The following ATAD2B variants were observed in gnomAD, a reference collection of about 807,000 sequenced individuals.
ATAD2B encodes ATPase family AAA domain containing 2B.
ATAD2B carries 40 observed loss-of-function variants against 167.6 expected under a neutral mutation model. The observed-to-expected ratio is 0.24, with a 90% CI of 0.19 to 0.31. The LOEUF is 0.31. Ranked by LOEUF, ATAD2B falls within the 10% of genes least tolerant of loss-of-function variation. The probability of loss-of-function intolerance (pLI) is 1.00; values close to 1 mark genes in which losing one functional copy is unlikely to be tolerated. For missense variants in ATAD2B, 1,242 were observed against 1,757.2 expected (o/e 0.71, Z 5.24); for synonymous variants, 579 against 596.5 (o/e 0.97, Z 0.43).
At chr2:23,838,267 T>C (rs1690322725) in intron 13 of ATAD2B, among the ~76,000 whole-genome samples, 1 of 152,202 alleles carries the variant, frequency 6.6e-6, no homozygotes, top group South Asian at 2.1e-4. Context: ...CAAATATAAA[T>C]TCATATTTAA....
chr2:23,861,028 G>A (rs1573092286), intron 12 of ATAD2B, among the ~76,000 whole-genome samples: 1 of 151,996 alleles, frequency 6.6e-6, no homozygotes, highest in Non-Finnish European at 1.5e-5. Flanking sequence ...GGGAAAAAAA[G>A]TTAAAAGAAC....
intron 25 of ATAD2B, among the ~76,000 whole-genome samples, chr2:23,755,497 C>T (rs1323550879): frequency 6.6e-6 from 1 of 152,082 alleles, no homozygotes; most frequent in Non-Finnish European, 1.5e-5. Flanking sequence ...GTGGGTAGAC[C>T]ATGGAGCCCT....
At chr2:23,868,210 T>C (rs1162914473) in intron 9 of ATAD2B, among the ~76,000 whole-genome samples, 1 of 152,176 alleles carries the variant, frequency 6.6e-6, no homozygotes, top group Admixed American at 6.5e-5. Flanking sequence ...TAGGAAAACA[T>C]CTTAACATAC....
At chr2:23,829,063 A>C (rs1688654421) in intron 14 of ATAD2B, 124 bp from the exon 15 acceptor site, 4 of 634,176 alleles carry the variant, frequency 6.3e-6, no homozygotes, top group South Asian at 6.0e-5. Flanking sequence ...TAAAATTTTT[A>C]TTTTAAAAAA....
intron 8 of ATAD2B, chr2:23,872,675 A>C (rs1360852429): frequency 7.5e-7 from 1 of 1,340,830 alleles, no homozygotes; most frequent in South Asian, 1.2e-5. Context: ...CCAGATCTTC[A>C]CCTGGGCCTC....
rs549829504 is a variant in ATAD2B, at chr2:23,753,448, AC to A, written c.4335+730del. On this transcript the variant is annotated intron_variant, in intron 27 of 27. Transcript: ENST00000238789. ...GATAAACAAACTAACAGGCAAATCA[AC>A]AAAGGGAGTTGAATTAAGTCATTTA... Among the ~76,000 whole-genome samples the A allele has an allele frequency of 2.0e-5, 3 of 152,148 alleles. No individual in the cohort carries two copies. In the South Asian group the frequency reaches 6.2e-4, roughly 31 times the overall value.
intron 6 of ATAD2B, 129 bp from the exon 7 acceptor site, chr2:23,880,884 C>T: frequency 1.6e-6 from 1 of 620,048 alleles, no homozygotes; most frequent in Admixed American, 3.2e-5. Context: ...TAAGTGCCAA[C>T]ATATTACGTA....
chr2:23,704,006 G>A, the ATAD2B span: 1 of 1,015,486 alleles, frequency 9.8e-7, no homozygotes, highest in Non-Finnish European at 1.4e-6. Flanking sequence ...CCACAGGAGT[G>A]GGCATTAGCC....
At chr2:23,758,771 A>T (rs1266817303) in intron 24 of ATAD2B, among the ~76,000 whole-genome samples, 13 of 152,228 alleles carry the variant, frequency 8.5e-5, no homozygotes, top group Non-Finnish European at 1.5e-5. Flanking sequence ...AATATGTAGG[A>T]AAACTAAGCC....
chr2:23,829,713 G>A lies in ATAD2B; in HGVS notation c.1729-774C>T, dbSNP rs1161355519. ...GAGGCCTGCAGTGTGCTGTGATTAC[G>A]CCACTGCATGCCAGCCTGGGTGATA... is the stretch of plus-strand genomic sequence containing the variant. On this transcript the variant is annotated intron_variant, in intron 14 of 27. Coordinates refer to ENST00000238789, the MANE Select transcript of ATAD2B (RefSeq NM_017552.4). Among the ~76,000 whole-genome samples, 4 of 152,078 alleles carry A rather than the reference G, an allele frequency of 2.6e-5. 1 individual carries two copies. The East Asian group carries it at 5.8e-4, about 22-fold the overall frequency.
chr2:23,680,458 G>A, the ATAD2B span, among the ~76,000 whole-genome samples: 3 of 152,318 alleles, frequency 2.0e-5, no homozygotes, highest in South Asian at 2.1e-4. The surrounding 1 kb of genome is among the most constrained non-coding windows in gnomAD (Gnocchi z 4.1). Context: ...TCCCACAGAC[G>A]TAGGCGGGCA....
At chr2:23,757,363 A>G in intron 25 of ATAD2B, 55 bp downstream of exon 25, 1 of 1,316,090 alleles carries the variant, frequency 7.6e-7, no homozygotes, top group South Asian at 1.7e-5. Context: ...AAAATACACA[A>G]CGAATTAACT....
chr2:23,691,864 G>A, the ATAD2B span: 23 of 1,550,126 alleles, frequency 1.5e-5, no homozygotes, highest in African/African-American at 8.2e-5. Flanking sequence ...CAAAGTCTGC[G>A]TGTCCTTTCT....
the ATAD2B span, chr2:23,690,119 C>T: frequency 3.9e-5 from 6 of 152,322 alleles, no homozygotes; most frequent in Admixed American, 6.5e-5. Context: ...CTCCCCCTCT[C>T]CTCCTGGCCA....
In ATAD2B at chr2:23,833,976, T is replaced by G. The variant is rs369661047; in HGVS notation, c.1671A>C (p.Ala557=). The change falls in exon 14 of 28, where the codon GCA becomes GCC. Residue 557 remains alanine, a synonymous_variant. Transcript: ENST00000238789. ...ATNRLDSIDP[A]LRRPGRFDRE... ...TGTCAAAACGACCAGGTCTCCTGAG[T>G]GCAGGATCTATAGAGTCAAGTCTGT... 2 of 1,613,216 alleles carry G rather than the reference T, an allele frequency of 1.2e-6. No individual in the cohort carries two copies. The highest frequency in any genetic ancestry group is 1.1e-5 in the South Asian group (1 of 90,856).
chr2:23,883,789 T>A (rs1191634285), intron 6 of ATAD2B, among the ~76,000 whole-genome samples: 1 of 152,218 alleles, frequency 6.6e-6, no homozygotes, highest in African/African-American at 2.4e-5. Context: ...AAGATTCCCC[T>A]ATAAGTACTA....
intron 10 of ATAD2B, chr2:23,866,123 T>C (rs1695086408): frequency 5.6e-6 from 1 of 178,342 alleles, no homozygotes; most frequent in Non-Finnish European, 1.1e-5. Context: ...AAGAAATAAG[T>C]GGCCTGGCAC....
chr2:23,773,891 T>C (rs1250259255), intron 22 of ATAD2B, among the ~76,000 whole-genome samples: 2 of 152,234 alleles, frequency 1.3e-5, no homozygotes, highest in African/African-American at 2.4e-5. Context: ...CTTACATTTG[T>C]CTTCAGCAAA....
At chr2:23,703,338 C>A in the ATAD2B span, 2 of 1,537,424 alleles carry the variant, frequency 1.3e-6, no homozygotes, top group Admixed American at 2.0e-5. Flanking sequence ...TCTTACGTTC[C>A]TCAGACCAAC....
Sources: allele counts gnomAD v4.1 joint callset (sites outside exome capture counted in the v4.1 genomes callset), GRCh38; gene constraint gnomAD v4.1.1; non-coding constraint Gnocchi (gnomAD v3.1); transcripts MANE v1.5; gene names NCBI Gene and HGNC (gene_info 2026-07-23, HGNC 2026-07-21).